MCPH1: variants seen among roughly 807,000 people sequenced by gnomAD.
MCPH1 encodes microcephalin 1, also known as microcephalin.
A neutral mutation model predicts 84.5 loss-of-function variants in MCPH1; 104 were observed. The observed-to-expected ratio is 1.23, with a 90% CI of 1.05 to 1.45. The LOEUF is 1.45. MCPH1 is among the 40% of genes most tolerant of loss of function. The probability of loss-of-function intolerance (pLI) is 0.00; values close to 1 mark genes in which losing one functional copy is unlikely to be tolerated. For synonymous variants in MCPH1, 514 were observed against 366.8 expected (o/e 1.40, Z -4.58); for missense variants, 1,498 against 1,005.7 (o/e 1.49, Z -6.62).
chr8:6,490,931 T>A (rs1420533777), intron 11 of MCPH1, among the ~76,000 whole-genome samples: 1 of 107,586 alleles, frequency 9.3e-6, no homozygotes, highest in East Asian at 2.7e-4. Context: ...ACAAGCATTG[T>A]ATATATTAAT....
chr8:6,509,103 A>G (rs1421829999), intron 12 of MCPH1: 4 of 1,596,892 alleles, frequency 2.5e-6, no homozygotes, highest in Non-Finnish European at 8.5e-7. Flanking sequence ...GGCTAGGGTC[A>G]TTGATTTACC....
intron 12 of MCPH1, chr8:6,503,146 A>G (rs751740443): frequency 6.2e-7 from 1 of 1,614,192 alleles, no homozygotes. Flanking sequence ...CCTTGAGCGA[A>G]TAGCCTGAGC....
chr8:6,569,396 G>T (rs1006684491), intron 12 of MCPH1, among the ~76,000 whole-genome samples: 1 of 152,176 alleles, frequency 6.6e-6, no homozygotes, highest in Admixed American at 6.5e-5. Context: ...AAGTGTTGCT[G>T]CATCAACCAT....
intron 12 of MCPH1, among the ~76,000 whole-genome samples, chr8:6,519,222 C>G (rs1013413531): frequency 1.3e-5 from 2 of 152,164 alleles, no homozygotes; most frequent in African/African-American, 4.8e-5. Flanking sequence ...TCCTGCGTGT[C>G]CCTCAGACCA....
At chr8:6,519,879 A>G (rs1816981030) in intron 12 of MCPH1, 2 of 1,614,064 alleles carry the variant, frequency 1.2e-6, no homozygotes, top group Non-Finnish European at 1.7e-6. Context: ...TCTCTTCTGT[A>G]GAATTAGGGA....
At chr8:6,597,560 G>C (rs1170306812) in intron 12 of MCPH1, among the ~76,000 whole-genome samples, 2 of 152,148 alleles carry the variant, frequency 1.3e-5, no homozygotes, top group South Asian at 4.1e-4. Context: ...ACATTCACCA[G>C]CTCGGCCAAG....
chr8:6,412,232 AAC>A (rs1053343900), intron 2 of MCPH1, among the ~76,000 whole-genome samples: 10 of 152,198 alleles, frequency 6.6e-5, no homozygotes, highest in African/African-American at 2.2e-4. Context: ...GGAATGTAGG[AAC>A]CCGAGGGAGT....
intron 12 of MCPH1, among the ~76,000 whole-genome samples, chr8:6,617,968 G>C (rs2980662): frequency 0.37 from 51,678 of 139,292 alleles, 9,868 homozygotes; most frequent in African/African-American, 0.53. Flanking sequence ...GATGGGGTCT[G>C]CCTATGTTGC....
At chr8:6,486,765 G>C (rs1394271024) in intron 11 of MCPH1, among the ~76,000 whole-genome samples, 3 of 152,174 alleles carry the variant, frequency 2.0e-5, no homozygotes, top group Non-Finnish European at 4.4e-5. Context: ...ATTTATGGGA[G>C]ACAGGAAGTA....
At chr8:6,476,462 C>A (rs1395367130) in intron 9 of MCPH1, among the ~76,000 whole-genome samples, 1 of 150,496 alleles carries the variant, frequency 6.6e-6, no homozygotes. Context: ...GAAAAAAATT[C>A]AGTCATAGAC....
At chr8:6,614,280 T>C (rs755705992) in intron 12 of MCPH1, among the ~76,000 whole-genome samples, 1 of 152,314 alleles carries the variant, frequency 6.6e-6, no homozygotes, top group East Asian at 1.9e-4. Context: ...GGACTCACGA[T>C]GGAAGACGGT....
intron 5 of MCPH1, among the ~76,000 whole-genome samples, chr8:6,437,019 T>A (rs1802750556): frequency 6.6e-6 from 1 of 152,076 alleles, no homozygotes; most frequent in Non-Finnish European, 1.5e-5. Flanking sequence ...ACGTTTTTGG[T>A]ATTTCTGTTT....
intron 3 of MCPH1, among the ~76,000 whole-genome samples, chr8:6,415,169 G>A (rs551854014): frequency 6.6e-6 from 1 of 152,198 alleles, no homozygotes; most frequent in South Asian, 2.1e-4. Context: ...AGCAGATTGT[G>A]TTAGTCAGCA....
In MCPH1 at chr8:6,621,667, T is replaced by TATC. The variant is rs1381718172; in HGVS notation, c.2429_2431dup (p.Tyr810_Leu811insHis). 6.2e-7 allele frequency: 1 copy of TATC among 1,614,066 alleles called. No individual in the cohort carries two copies. The highest frequency in any genetic ancestry group is 8.5e-7 in the Non-Finnish European group (1 of 1,180,052). On this transcript the variant is annotated inframe_insertion, in exon 13 of 14. Coordinates refer to ENST00000344683, the MANE Select transcript of MCPH1 (RefSeq NM_024596.5). ...CGGAAAGAAGAAAGCCACAGTCAAGTATCTGTCTGAGAAATGGGTCTTAGG... is the reference window on the plus strand; with the variant it reads ...CGGAAAGAAGAAAGCCACAGTCAAGTATCATCTGTCTGAGAAATGGGTCTTAGG...
At chr8:6,513,634 CA>C (rs1275748095) in intron 12 of MCPH1, 3 of 1,573,354 alleles carry the variant, frequency 1.9e-6, no homozygotes, top group African/African-American at 2.7e-5. Flanking sequence ...TGCCCGGCCA[CA>C]AATCTTTTAA....
chr8:6,573,199 G>C (rs1277930376), intron 12 of MCPH1, among the ~76,000 whole-genome samples: 1 of 152,202 alleles, frequency 6.6e-6, no homozygotes, highest in South Asian at 2.1e-4. Flanking sequence ...ATTTGGGGCG[G>C]GGGAGTGTCC....
At chr8:6,549,776 A>G (rs1483514911) in intron 12 of MCPH1, among the ~76,000 whole-genome samples, 1 of 152,210 alleles carries the variant, frequency 6.6e-6, no homozygotes, top group Non-Finnish European at 1.5e-5. Context: ...AGTCCTCTAT[A>G]TCTTGAGCTG....
intron 13 of MCPH1, among the ~76,000 whole-genome samples, chr8:6,623,133 G>A (rs890323045): frequency 6.6e-6 from 1 of 150,818 alleles, no homozygotes; most frequent in Admixed American, 6.7e-5. Context: ...GATTACAGGT[G>A]TGAGCCACTG....
At chr8:6,608,710 T>C (rs997582310) in intron 12 of MCPH1, among the ~76,000 whole-genome samples, 7 of 152,094 alleles carry the variant, frequency 4.6e-5, no homozygotes, top group South Asian at 2.1e-4. Flanking sequence ...ATGCTCGGAG[T>C]TGGGGCTGCA....
Sources: allele counts gnomAD v4.1 joint callset (sites outside exome capture counted in the v4.1 genomes callset), GRCh38; gene constraint gnomAD v4.1.1; transcripts MANE v1.5; gene names NCBI Gene and HGNC (gene_info 2026-07-23, HGNC 2026-07-21).